The following FLNA variants were observed in gnomAD, a reference collection of about 807,000 sequenced individuals.
FLNA encodes filamin-A.
FLNA carries 7 observed loss-of-function variants against 157.6 expected under a neutral mutation model. The ratio of observed to expected loss-of-function variants is 0.04; its 90% CI spans 0.03 to 0.08. The LOEUF (loss-of-function observed/expected upper bound fraction) is 0.08. Among genes scored for constraint, FLNA ranks in the 10% least tolerant of loss-of-function variants. The pLI is 1.00. For missense variants in FLNA, 1,750 were observed against 2,398.4 expected (o/e 0.73, Z 5.65); for synonymous variants, 1,103 against 1,060.8 (o/e 1.04, Z -0.77).
Position 154,349,800 on chromosome X carries a change from G to C in FLNA, c.7401C>G (p.Asp2467Glu). 8.3e-7 allele frequency: 1 copy of C among 1,211,513 alleles called. No individual in the cohort carries two copies. The highest frequency in any genetic ancestry group is 3.0e-5 in the East Asian group (1 of 33,856). ...AGAGALSVTIDGPSKVKMDCQ... is the reference protein window; with the variant it reads ...AGAGALSVTIEGPSKVKMDCQ... The stretch of plus-strand genomic sequence containing the variant: ...AATCCATCTTCACCTTGGAGGGGCC[G>C]TCAATGGTCACCGACAGGGCACCAG... Residue 2467 changes from aspartate to glutamate, a missense_variant, in exon 46 of 48, where the codon GAC becomes GAG. Coordinates refer to ENST00000369850, the MANE Select transcript of FLNA (RefSeq NM_001110556.2).
At chrX:154,354,314 T>C (rs781787766) in intron 33 of FLNA, 23 bp from the exon 34 acceptor site, 1 of 1,211,346 alleles carries the variant, frequency 8.3e-7, no homozygotes, top group Middle Eastern at 2.3e-4. Flanking sequence ...GGGGCTGAGG[T>C]CAGGGCAGCT....
chrX:154,365,539 C>T, intron 9 of FLNA, 53 bp from the exon 10 acceptor site: 2 of 1,188,298 alleles, frequency 1.7e-6, no homozygotes, highest in South Asian at 1.8e-5. Context: ...GCGACCCCTC[C>T]CTTGCCTCCC....
At chrX:154,365,065 A>G (rs879981532) in intron 11 of FLNA, 71 bp downstream of exon 11, 175 of 1,201,635 alleles carry the variant, frequency 1.5e-4, no homozygotes, top group South Asian at 1.9e-4. Flanking sequence ...CCTCATCATC[A>G]GGTGGGGAGG....
chrX:154,362,606 A>G (rs1444640610), intron 16 of FLNA, 28 bp from the exon 17 acceptor site: 2 of 1,209,237 alleles, frequency 1.7e-6, no homozygotes, highest in Admixed American at 4.4e-5. Context: ...GCGGAGGCTG[A>G]GACCTCGCAG....
intron 28 of FLNA, among the ~76,000 whole-genome samples, 175 bp from the exon 29 acceptor site, chrX:154,357,798 A>G (rs1557177159): frequency 8.9e-6 from 1 of 112,660 alleles, no homozygotes; most frequent in Non-Finnish European, 1.9e-5. Flanking sequence ...CAGAATGGAG[A>G]CTAAAACATC....
rs782225026 is a variant in FLNA, at chrX:154,348,998, T to A, written c.7795A>T (p.Thr2599Ser). 1 of 1,210,370 alleles carries A rather than the reference T, an allele frequency of 8.3e-7. No individual in the cohort carries two copies. The highest frequency in any genetic ancestry group is 1.8e-5 in the South Asian group (1 of 56,907). ...MLLVGVHGPR[T>S]PCEEILVKHV... ...TTCACCAGGATCTCCTCGCAGGGGG[T>A]CCTTGGGCCATGAACCCCCACCAGC... Residue 2599 changes from threonine to serine, a missense_variant, in exon 48 of 48, where the codon ACC (threonine) becomes TCC (serine). This residue lies in a region of FLNA where 970 missense variants were observed against 1,302.6 expected (regional missense o/e 0.74). Coordinates refer to ENST00000369850, the MANE Select transcript of FLNA (RefSeq NM_001110556.2).
In FLNA at chrX:154,359,121, G is replaced by A; in HGVS notation, c.4337C>T (p.Thr1446Ile). The A allele has an allele frequency of 8.3e-7, 1 of 1,211,395 alleles. No individual in the cohort carries two copies. Among genetic ancestry groups the A allele is most frequent in the Non-Finnish European group, 1.1e-6 (1 of 895,525 alleles). The change falls in exon 26 of 48, where the codon ACA becomes ATA. Residue 1446 changes from threonine (T) to isoleucine (I), a missense_variant. Around this residue, in one of 5 missense-constraint regions of FLNA, gnomAD observed 970 missense variants for 1,302.6 expected, o/e 0.74. Transcript: ENST00000369850. ...SPFKVPVHDV[T>I]DASKVKCSGP... ...AGAGCACTTGACCTTGGACGCATCT[G>A]TCACATCATGCACAGGGACCTTGAA...
rs782038837 is a variant in FLNA, at chrX:154,364,647, C to T, written c.1901G>A (p.Arg634His). The T allele has an allele frequency of 6.6e-6, 8 of 1,211,289 alleles. No individual in the cohort carries two copies. The highest frequency in any genetic ancestry group is 2.3e-4 in the Middle Eastern group (1 of 4,354). The change falls in exon 13 of 48, where the codon CGC becomes CAC. Residue 634 changes from arginine to histidine, a missense_variant. Around this residue, in one of 5 missense-constraint regions of FLNA, gnomAD observed 648 missense variants for 805.8 expected, o/e 0.80. Transcript: ENST00000369850. Reference protein sequence around the residue: ...DDKGDGSCDVRYWPQEAGEYA... With the variant: ...DDKGDGSCDVHYWPQEAGEYA... Reference sequence around the variant, plus strand: ...CTCGCCAGCCTCCTGCGGCCAGTAGCGCACATCACAGGAGCCGTCGCCCTT... The same window carrying T: ...CTCGCCAGCCTCCTGCGGCCAGTAGTGCACATCACAGGAGCCGTCGCCCTT...
In FLNA at chrX:154,354,720, C is replaced by A. The variant is rs782801210; in HGVS notation, c.5218-9G>T. The A allele has an allele frequency of 2.2e-5, 27 of 1,206,898 alleles. No homozygotes were observed. The South Asian group carries it at 4.1e-4, about 18-fold the overall frequency. ...TGGTCCCCAGCCAGAGCCTGCAGGG[C>A]AAAGCAGAGAGCTGCTGGAGAGTCT... On this transcript the variant is annotated splice_polypyrimidine_tract_variant and intron_variant, in intron 31 of 47. Transcript: ENST00000369850.
Position 154,354,277 on chromosome X carries a change from G to A in FLNA, c.5431C>T (p.Pro1811Ser). The A allele has an allele frequency of 1.7e-6, 2 of 1,211,925 alleles. No homozygotes were observed. The highest frequency in any genetic ancestry group is 2.2e-6 in the Non-Finnish European group (2 of 895,655). Reference protein sequence around the residue: ...KGEITGEVRMPSGKVAQPTIT... With the variant: ...KGEITGEVRMSSGKVAQPTIT... ...GTGGGCTGCGCCACCTTGCCTGAGG[G>A]CATCCGAACCTCCCCTGTGGGGCAG... Residue 1811 changes from proline to serine, a missense_variant, in exon 34 of 48, where the codon CCC becomes TCC. This residue lies in a region of FLNA where 970 missense variants were observed against 1,302.6 expected (regional missense o/e 0.74). Transcript: ENST00000369850.
At chrX:154,361,861 A>G (rs1256334577) in intron 19 of FLNA, 74 bp from the exon 20 acceptor site, 8 of 1,091,970 alleles carry the variant, frequency 7.3e-6, no homozygotes, top group Non-Finnish European at 8.9e-6. Context: ...CTGGACCTCC[A>G]TGCCTGTCCT....
In FLNA at chrX:154,351,614, G is replaced by A. The variant is rs782377203; in HGVS notation, c.6990C>T (p.Gly2330=). The A allele has an allele frequency of 1.7e-5, 21 of 1,207,963 alleles. No homozygotes were observed. The highest frequency in any genetic ancestry group is 2.1e-5 in the Non-Finnish European group (19 of 892,459). ...TAGAAACAGTGAGGCGGCGGGCGTC[G>A]CCAGACGGAGAAGCCACAGGCACCA... ...PFVVPVASPS[G]DARRLTVSSL... is the part of the protein sequence containing the mutation. The change falls in exon 43 of 48, where the codon GGC becomes GGT. Residue 2330 remains glycine (G), a synonymous_variant. Coordinates refer to ENST00000369850, the MANE Select transcript of FLNA (RefSeq NM_001110556.2).
In FLNA at chrX:154,352,939, C is replaced by A; in HGVS notation, c.6227-15G>T. ...CCCACCATAGCCTAGGGGATGGATACCCCTGAGCCTCGGTGCTATGCACAG... is the reference window on the plus strand; with the variant it reads ...CCCACCATAGCCTAGGGGATGGATAACCCTGAGCCTCGGTGCTATGCACAG... On this transcript the variant is annotated splice_polypyrimidine_tract_variant and intron_variant, in intron 38 of 47. Coordinates refer to ENST00000369850, the MANE Select transcript of FLNA (RefSeq NM_001110556.2). 1 of 1,211,578 alleles carries A rather than the reference C, an allele frequency of 8.3e-7. No homozygotes were observed. Among genetic ancestry groups the A allele is most frequent in the Non-Finnish European group, 1.1e-6 (1 of 895,422 alleles).
rs372673802 is a variant in FLNA, at chrX:154,357,431, C to T, written c.4945+3G>A. ...CGCAGCGGCCAACAGCGGGCGGGCT[C>T]ACCTGTGACAGTGCACTTGCTGGCG... is the stretch of plus-strand genomic sequence containing the variant. On this transcript the variant is annotated splice_donor_region_variant and intron_variant, in intron 29 of 47. Transcript: ENST00000369850. 25 of 1,207,073 alleles carry T rather than the reference C, an allele frequency of 2.1e-5. No homozygotes were observed. The highest frequency in any genetic ancestry group is 8.9e-5 in the East Asian group (3 of 33,728).
At position 154,358,978 on chromosome X, in the gene FLNA, A is replaced by C; in HGVS notation, c.4474+6T>G. On this transcript the variant is annotated splice_donor_region_variant and intron_variant, in intron 26 of 47. Coordinates refer to ENST00000369850, the MANE Select transcript of FLNA (RefSeq NM_001110556.2). ...GACCCCTGGCTCCAGGCATGCAAACACTCACCTTTGGGCCCTTGCACTTTG... is the reference window on the plus strand; with the variant it reads ...GACCCCTGGCTCCAGGCATGCAAACCCTCACCTTTGGGCCCTTGCACTTTG... 1 of 1,208,806 alleles carries C rather than the reference A, an allele frequency of 8.3e-7. No individual in the cohort carries two copies. Among genetic ancestry groups the C allele is most frequent in the Admixed American group, 2.2e-5 (1 of 45,981 alleles).
At position 154,364,931 on chromosome X, in the gene FLNA, T is replaced by G. The variant is rs1557178841; in HGVS notation, c.1718A>C (p.Glu573Ala). 1 of 1,210,812 alleles carries G rather than the reference T, an allele frequency of 8.3e-7. No homozygotes were observed. Among genetic ancestry groups the G allele is most frequent in the South Asian group, 1.8e-5 (1 of 56,957 alleles). ...RSPFEVKVGT[E>A]CGNQKVRAWG... ...GGCCCGTACCTTCTGATTGCCACAC[T>G]CGGTGCCCACCTTCACTTCGAAGGG... The change falls in exon 12 of 48, where the codon GAG (glutamate) becomes GCG (alanine). Residue 573 changes from glutamate to alanine, a missense_variant. Glu to Ala is a moderately radical substitution (Grantham distance 107). Coordinates refer to ENST00000369850, the MANE Select transcript of FLNA (RefSeq NM_001110556.2).
chrX:154,357,049 G>C (rs1557176947), intron 30 of FLNA, among the ~76,000 whole-genome samples: 1 of 112,154 alleles, frequency 8.9e-6, no homozygotes, highest in Non-Finnish European at 1.9e-5. Flanking sequence ...GAGAGGGGAA[G>C]AGCTGGAGCG....
At chrX:154,372,067 A>G (rs990706895) in intron 1 of FLNA, among the ~76,000 whole-genome samples, 4 of 113,051 alleles carry the variant, frequency 3.5e-5, no homozygotes, top group African/African-American at 1.3e-4. Context: ...GCTGCTTCCC[A>G]CCGCCTCCCT....
At position 154,354,361 on chromosome X, in the gene FLNA, C is replaced by G; in HGVS notation, c.5416+20G>C. ...TCTGGCCTCCTTGGCTCCCGAGCTCCTTCCCAAGTCCCCACTCACCTGTGA... is the reference window on the plus strand; with the variant it reads ...TCTGGCCTCCTTGGCTCCCGAGCTCGTTCCCAAGTCCCCACTCACCTGTGA... On this transcript the variant is annotated intron_variant, in intron 33 of 47. Coordinates refer to ENST00000369850, the MANE Select transcript of FLNA (RefSeq NM_001110556.2). The G allele has an allele frequency of 8.3e-7, 1 of 1,211,088 alleles. No individual in the cohort carries two copies. Among genetic ancestry groups the G allele is most frequent in the Non-Finnish European group, 1.1e-6 (1 of 894,833 alleles).
Sources: gnomAD v4.1 joint callset for allele counts (sites outside exome capture counted in the v4.1 genomes callset) on GRCh38, gnomAD v4.1.1 for gene constraint, gnomAD v4.1.1 regional missense constraint, MANE v1.5 for transcripts, NCBI Gene and HGNC (gene_info 2026-07-23, HGNC 2026-07-21) for gene names.